DSCAML1: variants seen among roughly 807,000 people sequenced by gnomAD.
DSCAML1 encodes DS cell adhesion molecule like 1, also known as cell adhesion molecule DSCAML1.
A neutral mutation model predicts 200.5 loss-of-function variants in DSCAML1; 38 were observed. The observed-to-expected ratio is 0.19, with a 90% CI of 0.15 to 0.25. The LOEUF (loss-of-function observed/expected upper bound fraction) is 0.25. Ranked by LOEUF, DSCAML1 falls within the 10% of genes least tolerant of loss-of-function variation. The pLI, the probability that DSCAML1 is intolerant of heterozygous loss-of-function variation, is 1.00. For missense variants in DSCAML1, 2,223 were observed against 2,858.8 expected (o/e 0.78, Z 5.07); for synonymous variants, 1,215 against 1,165.0 (o/e 1.04, Z -0.87).
intron 30 of DSCAML1, 147 bp from the exon 31 acceptor site, chr11:117,431,875 C>T: frequency 1.4e-6 from 1 of 719,032 alleles, no homozygotes; most frequent in Non-Finnish European, 2.1e-6. Context: ...CCTTTCCTAA[C>T]CACATCGCTG....
intron 3 of DSCAML1, among the ~76,000 whole-genome samples, chr11:117,572,702 C>T (rs2050867400): frequency 6.6e-6 from 1 of 152,152 alleles, no homozygotes; most frequent in Non-Finnish European, 1.5e-5. Flanking sequence ...GATCTGGTTC[C>T]CGCAAATCAG....
At position 117,498,188 on chromosome 11, in the gene DSCAML1, G is replaced by A. The variant is rs541627277; in HGVS notation, c.2359+5657C>T. On this transcript the variant is annotated intron_variant, in intron 11 of 32. Transcript: ENST00000651296. The surrounding 1 kb of genome is among the most constrained non-coding windows in gnomAD (Gnocchi z 4.0). ...AGGACCCACCACCGGGGAACACACA[G>A]GAATATCTTGGGCCAGTTGTTTGCC... 6.6e-6 allele frequency among the ~76,000 whole-genome samples: 1 copy of A among 152,366 alleles called. No individual in the cohort carries two copies. The highest frequency in any genetic ancestry group is 2.1e-4 in the South Asian group (1 of 4,822).
Position 117,646,351 on chromosome 11 carries a change from A to G in DSCAML1, c.512-113829T>C, listed in dbSNP as rs543819476. 3.1e-3 allele frequency among the ~76,000 whole-genome samples: 468 copies of G among 152,146 alleles called. 1 individual carries two copies. The highest frequency in any genetic ancestry group is 5.5e-3 in the Non-Finnish European group (372 of 67,998). On this transcript the variant is annotated intron_variant, in intron 3 of 32. Transcript: ENST00000651296. Reference sequence around the variant, plus strand: ...CTCTCGAGATGGAGCCCTCACCCAGAATGTTTGATGAGGCCAGAAGTGCCT... The same window carrying G: ...CTCTCGAGATGGAGCCCTCACCCAGGATGTTTGATGAGGCCAGAAGTGCCT...
At chr11:117,775,749 A>G (rs1010360648) in intron 3 of DSCAML1, among the ~76,000 whole-genome samples, 1 of 152,110 alleles carries the variant, frequency 6.6e-6, no homozygotes, top group Non-Finnish European at 1.5e-5. Context: ...GGGGCTAAGC[A>G]TTGGTGTTTC....
At chr11:117,613,508 GC>G (rs1472758284) in intron 3 of DSCAML1, among the ~76,000 whole-genome samples, 1 of 152,140 alleles carries the variant, frequency 6.6e-6, no homozygotes, top group Non-Finnish European at 1.5e-5. Flanking sequence ...AGCTGAAGCT[GC>G]TCACAGTCCT....
chr11:117,565,315 G>A lies in DSCAML1; in HGVS notation c.512-32793C>T, dbSNP rs192948332. On this transcript the variant is annotated intron_variant, in intron 3 of 32. Transcript: ENST00000651296. ...CCTTGAATATTTGTCTTTTCTTTAT[G>A]TCAGAAACAGTTGAATGTTTCTCTT... Among the ~76,000 whole-genome samples the A allele has an allele frequency of 9.9e-5, 15 of 152,272 alleles. No homozygotes were observed. The East Asian group carries it at 2.9e-3, about 29-fold the overall frequency.
chr11:117,511,831 G>T (rs1440781778), intron 8 of DSCAML1, among the ~76,000 whole-genome samples: 2 of 152,246 alleles, frequency 1.3e-5, no homozygotes, highest in African/African-American at 4.8e-5. Context: ...GCATGTTTAC[G>T]TATGTGTGCT....
upstream of DSCAML1, chr11:117,797,380 C>T: frequency 3.3e-6 from 3 of 916,290 alleles, no homozygotes; most frequent in African/African-American, 1.8e-5. Flanking sequence ...ACAGGAGCGG[C>T]GGCCCGGGCC....
In DSCAML1 at chr11:117,518,897, T is replaced by C. The variant is rs1308971589; in HGVS notation, c.1214-135A>G. 1.6e-5 allele frequency: 16 copies of C among 994,258 alleles called. No individual in the cohort carries two copies. The South Asian group carries it at 2.7e-4, about 17-fold the overall frequency. 61.6% of individuals were successfully genotyped at this position (994,258 alleles called of 1,614,324 possible). ...CAAGAACTTTTGTGTACATCAATTC[T>C]TCTGCTATCCGCAACCCCAAGTGGT... On this transcript the variant is annotated intron_variant, in intron 6 of 32. Coordinates refer to ENST00000651296, the MANE Select transcript of DSCAML1 (RefSeq NM_020693.4). This position sits in a 1 kb window ranked among gnomAD's most constrained non-coding sequence, Gnocchi z 6.3.
chr11:117,711,882 TAAAC>T (rs1241354148), intron 3 of DSCAML1, among the ~76,000 whole-genome samples: 2 of 152,222 alleles, frequency 1.3e-5, no homozygotes, highest in African/African-American at 2.4e-5. Flanking sequence ...ACAAAAAAAT[TAAAC>T]AAAAGCAGCT....
chr11:117,507,455 G>T (rs1214945249), intron 8 of DSCAML1, among the ~76,000 whole-genome samples: 1 of 152,206 alleles, frequency 6.6e-6, no homozygotes, highest in Non-Finnish European at 1.5e-5. Flanking sequence ...CCTGCAGGGA[G>T]CAGCCAGGTG....
intron 3 of DSCAML1, among the ~76,000 whole-genome samples, chr11:117,630,657 C>CAAA (rs2052152304): frequency 2.1e-4 from 3 of 13,958 alleles, no homozygotes; most frequent in Admixed American, 1.4e-3. Context: ...CATAAAGTGG[C>CAAA]CAAAAAAAAA....
intron 3 of DSCAML1, among the ~76,000 whole-genome samples, chr11:117,737,141 G>C (rs939552907): frequency 1.3e-5 from 2 of 152,196 alleles, no homozygotes; most frequent in Middle Eastern, 3.2e-3. Flanking sequence ...ACGGTCCTAT[G>C]AATCGGGAAG....
At chr11:117,606,229 AT>A (rs894576460) in intron 3 of DSCAML1, among the ~76,000 whole-genome samples, 5 of 151,864 alleles carry the variant, frequency 3.3e-5, no homozygotes, top group African/African-American at 1.2e-4. Context: ...TGTAAGTAAT[AT>A]TTTCCCCCTG....
chr11:117,439,506 CAAAG>C (rs1169441334), intron 22 of DSCAML1, 77 bp from the exon 23 acceptor site: 1 of 1,538,232 alleles, frequency 6.5e-7, no homozygotes, highest in East Asian at 2.3e-5. Context: ...CGGTGTGTGA[CAAAG>C]AGAGCTGGGG....
intron 3 of DSCAML1, among the ~76,000 whole-genome samples, chr11:117,629,526 A>T (rs1053800434): frequency 3.4e-5 from 5 of 147,078 alleles, no homozygotes; most frequent in Non-Finnish European, 4.6e-5. Context: ...CAGACTGGGC[A>T]GGGGTGATGA....
At chr11:117,691,802 G>GC (rs2053499456) in intron 3 of DSCAML1, among the ~76,000 whole-genome samples, 1 of 128,686 alleles carries the variant, frequency 7.8e-6, no homozygotes, top group African/African-American at 3.0e-5. Context: ...TCTCTCCCCA[G>GC]GGGGGTTTTG....
chr11:117,640,800 C>T (rs2052390655), intron 3 of DSCAML1, among the ~76,000 whole-genome samples: 1 of 152,160 alleles, frequency 6.6e-6, no homozygotes, highest in African/African-American at 2.4e-5. Flanking sequence ...TTTCTCCATC[C>T]TCAGTTTCCC....
chr11:117,574,358 G>A (rs1368597490), intron 3 of DSCAML1, among the ~76,000 whole-genome samples: 1 of 152,160 alleles, frequency 6.6e-6, no homozygotes, highest in Non-Finnish European at 1.5e-5. Flanking sequence ...TAGGTGGAGG[G>A]TTCCTTGGGG....
Sources: allele counts gnomAD v4.1 joint callset (sites outside exome capture counted in the v4.1 genomes callset), GRCh38; gene constraint gnomAD v4.1.1; non-coding constraint Gnocchi (gnomAD v3.1); transcripts MANE v1.5; gene names NCBI Gene and HGNC (gene_info 2026-07-23, HGNC 2026-07-21).